DHX40: variants seen among roughly 807,000 people sequenced by gnomAD.
DHX40 encodes the protein probable ATP-dependent RNA helicase DHX40.
Under a neutral mutation model 89.6 loss-of-function variants are expected in DHX40, and 28 were observed. That is an observed-to-expected ratio of 0.31 (90% CI 0.23 to 0.43). The LOEUF is 0.43. Ranked by LOEUF, DHX40 falls within the 20% of genes least tolerant of loss-of-function variation. The pLI is 1.00. For missense variants in DHX40, 457 were observed against 844.0 expected, an observed-to-expected ratio of 0.54 and a Z score of 5.68; for synonymous variants, 226 against 283.6, an observed-to-expected ratio of 0.80 and a Z score of 2.04.
At chr17:59,602,437 C>CT (rs1484287346) in intron 14 of DHX40, 85 bp from the exon 15 acceptor site, 12 of 1,268,646 alleles carry the variant, frequency 9.5e-6, no homozygotes, top group Admixed American at 2.2e-5. Context: ...AAACAGAGGT[C>CT]TTTAGAAATG....
At chr17:59,601,142 T>TA (rs754817890) in intron 14 of DHX40, among the ~76,000 whole-genome samples, 261 of 122,606 alleles carry the variant, frequency 2.1e-3, no homozygotes, top group Admixed American at 2.6e-3. Context: ...TTGTCTCTAC[T>TA]AAAAAAAAAA....
chr17:59,601,142 TAAAA>T (rs754817890), intron 14 of DHX40, among the ~76,000 whole-genome samples: 3 of 122,660 alleles, frequency 2.4e-5, no homozygotes, highest in East Asian at 4.5e-4. Context: ...TTGTCTCTAC[TAAAA>T]AAAAAAAAAA....
chr17:59,605,768 C>T (rs1233236046), intron 17 of DHX40, 94 bp downstream of exon 17: 3 of 1,209,872 alleles, frequency 2.5e-6, no homozygotes, highest in East Asian at 2.5e-5. Context: ...TTGTGACCCA[C>T]CTGGGCAATG....
intron 3 of DHX40, among the ~76,000 whole-genome samples, chr17:59,572,051 C>T (rs2048817562): frequency 6.6e-6 from 1 of 152,134 alleles, no homozygotes; most frequent in Non-Finnish European, 1.5e-5. Flanking sequence ...ACAAAATCAG[C>T]CAATTAACAA....
chr17:59,597,574 A>G (rs1193438032), intron 12 of DHX40, among the ~76,000 whole-genome samples: 1 of 151,960 alleles, frequency 6.6e-6, no homozygotes, highest in Non-Finnish European at 1.5e-5. Flanking sequence ...TTTTTTCTTT[A>G]GACAAGGTTT....
At chr17:59,593,849 G>T (rs571240362) in intron 12 of DHX40, among the ~76,000 whole-genome samples, 168 of 151,420 alleles carry the variant, frequency 1.1e-3, no homozygotes, top group African/African-American at 3.4e-3. Context: ...TGCCAGCCCA[G>T]ATCTACTGTT....
At chr17:59,569,511 T>TA (rs1333110480) in intron 2 of DHX40, among the ~76,000 whole-genome samples, 3 of 149,704 alleles carry the variant, frequency 2.0e-5, no homozygotes. Context: ...AATTCTAATT[T>TA]AAAAAATATA....
chr17:59,585,205 G>A (rs1351571345), intron 10 of DHX40, among the ~76,000 whole-genome samples: 2 of 81,528 alleles, frequency 2.5e-5, no homozygotes, highest in East Asian at 6.8e-4. Flanking sequence ...TTTGAGACAA[G>A]CCTGACCAAT....
chr17:59,565,770 C>T lies in DHX40; in HGVS notation c.99C>T (p.Cys33=). ...DLQEERLSAV[C]IADREEKGCT... ...AGGAAGAGCGGCTCTCGGCTGTTTG[C>T]ATCGCCGATAGAGGTGCGGTCCGCG... Residue 33 remains cysteine (C), a synonymous_variant, in exon 1 of 18, where the codon TGC becomes TGT. Transcript: ENST00000251241. 1 of 1,602,156 alleles carries T rather than the reference C, an allele frequency of 6.2e-7. No homozygotes were observed.
intron 17 of DHX40, 142 bp downstream of exon 17, chr17:59,605,816 T>C: frequency 3.6e-6 from 3 of 841,106 alleles, no homozygotes; most frequent in Non-Finnish European, 5.8e-6. Flanking sequence ...AAAATAAAAA[T>C]TAGCCAGGCA....
chr17:59,569,967 C>T (rs1437880432), intron 2 of DHX40, among the ~76,000 whole-genome samples: 5 of 143,272 alleles, frequency 3.5e-5, no homozygotes, highest in African/African-American at 1.3e-4. Flanking sequence ...TTGCTTGAAC[C>T]TGGGACGCAG....
chr17:59,591,776 T>C (rs1264078588), intron 12 of DHX40, among the ~76,000 whole-genome samples: 1 of 151,858 alleles, frequency 6.6e-6, no homozygotes, highest in African/African-American at 2.4e-5. Context: ...ATTGGAAGCA[T>C]TGTGCTCCCT....
At chr17:59,592,201 A>G (rs189927949) in intron 12 of DHX40, among the ~76,000 whole-genome samples, 47 of 151,942 alleles carry the variant, frequency 3.1e-4, no homozygotes, top group East Asian at 1.5e-3. Context: ...TTGATACAAT[A>G]TTATTATCTA....
chr17:59,594,431 G>C (rs1414179749), intron 12 of DHX40, among the ~76,000 whole-genome samples: 2 of 151,430 alleles, frequency 1.3e-5, no homozygotes, highest in Non-Finnish European at 2.9e-5. Flanking sequence ...GAGTTGGAGA[G>C]GGTGGTGGTG....
intron 3 of DHX40, among the ~76,000 whole-genome samples, chr17:59,570,960 C>T (rs1182747681): frequency 6.6e-6 from 1 of 152,130 alleles, no homozygotes; most frequent in African/African-American, 2.4e-5. Context: ...AATGCTTTAG[C>T]TCTCAAGTGT....
chr17:59,587,270 C>T (rs1163592032), intron 11 of DHX40, among the ~76,000 whole-genome samples: 2 of 151,406 alleles, frequency 1.3e-5, no homozygotes, highest in Non-Finnish European at 2.9e-5. Flanking sequence ...GTTGCCCAGA[C>T]TGGAGTACAA....
rs1335765079 is a variant in DHX40, at chr17:59,577,341, C to T, written c.1049C>T (p.Thr350Met). The change falls in exon 8 of 18, where the codon ACG becomes ATG. Residue 350 changes from threonine (T) to methionine (M), a missense_variant. This residue lies in a region of DHX40 where 116 missense variants were observed against 188.9 expected (regional missense o/e 0.61). Coordinates refer to ENST00000251241, the MANE Select transcript of DHX40 (RefSeq NM_024612.5). Reference sequence around the variant, plus strand: ...GTCATATCCACCAATATTTCTGCAACGTCTTTGACAATAGATGGAATCAGG... The same window carrying T: ...GTCATATCCACCAATATTTCTGCAATGTCTTTGACAATAGATGGAATCAGG... ...KCVISTNISA[T>M]SLTIDGIRYV... 3.1e-6 allele frequency: 5 copies of T among 1,613,722 alleles called. No homozygotes were observed. The highest frequency in any genetic ancestry group is 1.3e-5 in the African/African-American group (1 of 74,912).
chr17:59,606,216 G>A (rs2030843210), intron 17 of DHX40, among the ~76,000 whole-genome samples: 2 of 151,718 alleles, frequency 1.3e-5, no homozygotes, highest in African/African-American at 4.8e-5. Flanking sequence ...GGCTAAGTTT[G>A]TATATCCAAG....
chr17:59,577,901 C>G (rs2048907459), intron 8 of DHX40, among the ~76,000 whole-genome samples: 1 of 152,112 alleles, frequency 6.6e-6, no homozygotes, highest in African/African-American at 2.4e-5. Context: ...TTTGATATTT[C>G]CTTCTACCTT....
Sources: allele counts gnomAD v4.1 joint callset (sites outside exome capture counted in the v4.1 genomes callset), GRCh38; gene constraint gnomAD v4.1.1; regional missense constraint gnomAD v4.1.1; transcripts MANE v1.5; gene names NCBI Gene and HGNC (gene_info 2026-07-23, HGNC 2026-07-21).